Variants in FRMPD4 observed in about 807,000 individuals in gnomAD.
The protein encoded by FRMPD4 is FERM and PDZ domain containing 4, also known as FERM and PDZ domain-containing protein 4.
Under a neutral mutation model 94.1 loss-of-function variants are expected in FRMPD4, and 22 were observed. The observed-to-expected ratio is 0.23, with a 90% CI of 0.17 to 0.33. The LOEUF (loss-of-function observed/expected upper bound fraction) is 0.33, where lower values mean the gene tolerates loss of function less well. FRMPD4 is among the 10% of genes least tolerant of loss of function. FRMPD4 has a pLI of 1.00. For synonymous variants in FRMPD4, 631 were observed against 548.6 expected (o/e 1.15, Z -2.10); for missense variants, 1,111 against 1,339.9 (o/e 0.83, Z 2.67).
intron 9 of FRMPD4, among the ~76,000 whole-genome samples, chrX:12,695,401 T>G (rs4830472): frequency 9.1e-6 from 1 of 110,416 alleles, no homozygotes; most frequent in African/African-American, 3.3e-5. Flanking sequence ...ACTCTTTTTT[T>G]TTTATTTATT....
intron 2 of FRMPD4, among the ~76,000 whole-genome samples, chrX:12,588,869 T>C (rs778508279): frequency 8.9e-6 from 1 of 112,550 alleles, no homozygotes; most frequent in African/African-American, 3.2e-5. Flanking sequence ...TTTTTTTCTT[T>C]TTTTCCAGTG....
intron 1 of FRMPD4, among the ~76,000 whole-genome samples, chrX:12,280,600 G>C (rs918759205): frequency 8.1e-5 from 9 of 111,541 alleles, no homozygotes; most frequent in African/African-American, 2.9e-4. Context: ...TGGGATCTCT[G>C]CCCACAGCCC....
intron 3 of FRMPD4, among the ~76,000 whole-genome samples, chrX:12,070,033 G>A (rs1208816804): frequency 2.7e-5 from 3 of 111,587 alleles, no homozygotes; most frequent in African/African-American, 9.8e-5. Flanking sequence ...AGGAGCTAGT[G>A]GGGAATGTGG....
chrX:11,824,036 A>G (rs1403133204), intron 1 of FRMPD4, among the ~76,000 whole-genome samples: 1 of 112,099 alleles, frequency 8.9e-6, no homozygotes, highest in Admixed American at 9.5e-5. Context: ...AATTAAATTT[A>G]TAGGTTTAGG....
intron 3 of FRMPD4, among the ~76,000 whole-genome samples, chrX:11,997,060 G>T (rs1478235235): frequency 9.0e-6 from 1 of 111,067 alleles, no homozygotes; most frequent in African/African-American, 3.3e-5. Flanking sequence ...TCTAAACAAA[G>T]GCATGGCGTT....
chrX:12,388,814 A>G (rs1490497622), intron 1 of FRMPD4, among the ~76,000 whole-genome samples: 15 of 51,064 alleles, frequency 2.9e-4, no homozygotes, highest in African/African-American at 1.8e-3. Flanking sequence ...GATAAAGAAA[A>G]TGTGATATAT....
chrX:12,660,890 T>C (rs941863278), intron 4 of FRMPD4, among the ~76,000 whole-genome samples: 10 of 111,769 alleles, frequency 8.9e-5, no homozygotes, highest in African/African-American at 3.3e-4. Context: ...TGTTGTTGCC[T>C]GGACTTGGAC....
At chrX:12,098,283 A>G (rs1469746691) in intron 3 of FRMPD4, among the ~76,000 whole-genome samples, 2 of 104,180 alleles carry the variant, frequency 1.9e-5, no homozygotes, top group African/African-American at 3.4e-5. Context: ...AAAAAAAAAA[A>G]ACATGGAAAA....
intron 1 of FRMPD4, among the ~76,000 whole-genome samples, chrX:12,446,849 G>A (rs1444722804): frequency 8.9e-6 from 1 of 111,776 alleles, no homozygotes; most frequent in Admixed American, 9.4e-5. Context: ...CCCTTTTGGG[G>A]CATTTGGAAA....
At chrX:12,402,901 G>C (rs747986883) in intron 1 of FRMPD4, among the ~76,000 whole-genome samples, 1 of 111,998 alleles carries the variant, frequency 8.9e-6, no homozygotes, top group Non-Finnish European at 1.9e-5. Flanking sequence ...CTAGCACCTT[G>C]GTCTTGGACT....
At chrX:12,519,192 A>G (rs760306980) in intron 2 of FRMPD4, among the ~76,000 whole-genome samples, 20 of 112,611 alleles carry the variant, frequency 1.8e-4, no homozygotes, top group Non-Finnish European at 3.4e-4. Flanking sequence ...AGAGGAAAAC[A>G]TTATCCTAAT....
chrX:12,560,054 C>T (rs2058637094), intron 2 of FRMPD4, among the ~76,000 whole-genome samples: 1 of 111,677 alleles, frequency 9.0e-6, no homozygotes, highest in African/African-American at 3.3e-5. Context: ...ATTCATGACA[C>T]TTTTTTCAAA....
At chrX:12,395,509 T>C (rs1051604377) in intron 1 of FRMPD4, among the ~76,000 whole-genome samples, 4 of 111,916 alleles carry the variant, frequency 3.6e-5, no homozygotes, top group African/African-American at 1.3e-4. Flanking sequence ...AGGAGTTTCA[T>C]TCACAATACC....
intron 3 of FRMPD4, among the ~76,000 whole-genome samples, chrX:12,031,881 C>G (rs1423765703): frequency 9.0e-6 from 1 of 111,366 alleles, no homozygotes; most frequent in African/African-American, 3.3e-5. Flanking sequence ...TGGTCTGGAC[C>G]AAAACTATGG....
chrX:11,921,483 T>A (rs2091421), intron 3 of FRMPD4, among the ~76,000 whole-genome samples: 4 of 108,048 alleles, frequency 3.7e-5, no homozygotes, highest in African/African-American at 1.3e-4. Context: ...TATGCATTTG[T>A]GGGGGGACAT....
intron 1 of FRMPD4, among the ~76,000 whole-genome samples, chrX:12,358,611 G>A (rs755505541): frequency 1.8e-4 from 20 of 111,590 alleles, no homozygotes; most frequent in Non-Finnish European, 1.9e-4. Flanking sequence ...TTACCCTTCC[G>A]TTTTAAATCC....
chrX:12,035,608 A>G (rs2054716522), intron 3 of FRMPD4, among the ~76,000 whole-genome samples: 1 of 112,059 alleles, frequency 8.9e-6, no homozygotes, highest in African/African-American at 3.2e-5. Flanking sequence ...AAGTTTATTT[A>G]TTGATCTAGT....
chrX:12,607,711 A>G (rs1266976866), intron 2 of FRMPD4, among the ~76,000 whole-genome samples: 1 of 112,244 alleles, frequency 8.9e-6, no homozygotes, highest in Non-Finnish European at 1.9e-5. Flanking sequence ...TTTAAGAATG[A>G]AATAAGGTAA....
At chrX:12,462,342 C>G (rs1219977261) in intron 1 of FRMPD4, among the ~76,000 whole-genome samples, 1 of 111,768 alleles carries the variant, frequency 8.9e-6, no homozygotes, top group Non-Finnish European at 1.9e-5. Flanking sequence ...CTCCACTGAC[C>G]GTCAAATTTG....
Sources: allele counts gnomAD v4.1 joint callset (sites outside exome capture counted in the v4.1 genomes callset), GRCh38; gene constraint gnomAD v4.1.1; transcripts MANE v1.5; gene names NCBI Gene and HGNC (gene_info 2026-07-23, HGNC 2026-07-21).